The following MAGI2 variants were observed in gnomAD, a reference collection of about 807,000 sequenced individuals.
The protein encoded by MAGI2 is membrane associated guanylate kinase, WW and PDZ domain containing 2, also known as membrane-associated guanylate kinase, WW and PDZ domain-containing protein 2.
In MAGI2, 35 loss-of-function variants were observed where a neutral mutation model predicts 133.3. That is an observed-to-expected ratio of 0.26 (90% CI 0.20 to 0.35). The LOEUF (loss-of-function observed/expected upper bound fraction) is 0.35. Ranked by LOEUF, MAGI2 falls within the 10% of genes least tolerant of loss-of-function variation. The probability of loss-of-function intolerance (pLI) is 1.00; values close to 1 mark genes in which losing one functional copy is unlikely to be tolerated. For missense variants in MAGI2, 1,636 were observed against 1,863.4 expected (o/e 0.88, Z 2.25); for synonymous variants, 729 against 710.6 (o/e 1.03, Z -0.41).
intron 1 of MAGI2, among the ~76,000 whole-genome samples, chr7:79,137,058 T>C (rs1821645473): frequency 6.6e-6 from 1 of 152,070 alleles, no homozygotes; most frequent in African/African-American, 2.4e-5. Context: ...CTTGGCTCAC[T>C]GTAACCTCTG....
chr7:79,309,449 T>G (rs905403563), intron 1 of MAGI2, among the ~76,000 whole-genome samples: 2 of 151,080 alleles, frequency 1.3e-5, no homozygotes, highest in Non-Finnish European at 2.9e-5. Context: ...TTAAAATATG[T>G]AGAGTTATTC....
rs193029764 is a variant in MAGI2, at chr7:78,947,472, G to T, written c.418+59618C>A. ...AAGCTACTTGAAAGTTACAGTGGAT[G>T]ATATAATTTCTGATGAAATGTTAGC... On this transcript the variant is annotated intron_variant, in intron 2 of 21. Coordinates refer to ENST00000354212, the MANE Select transcript of MAGI2 (RefSeq NM_012301.4). Among the ~76,000 whole-genome samples the T allele has an allele frequency of 1.9e-4, 29 of 152,230 alleles. No individual in the cohort carries two copies. The East Asian group carries it at 4.3e-3, about 22-fold the overall frequency.
intron 2 of MAGI2, among the ~76,000 whole-genome samples, chr7:78,951,141 T>G (rs1801841942): frequency 6.6e-6 from 1 of 151,892 alleles, no homozygotes; most frequent in African/African-American, 2.4e-5. Context: ...CTGGCTAATT[T>G]TTTGTATTTT....
intron 2 of MAGI2, among the ~76,000 whole-genome samples, chr7:78,819,896 T>C (rs752272071): frequency 3.4e-4 from 52 of 152,054 alleles, no homozygotes; most frequent in Non-Finnish European, 6.0e-4. Context: ...ATTAAATAGC[T>C]ATTGACATGA....
At chr7:78,518,633 A>G (rs1447918452) in intron 4 of MAGI2, 1 of 152,214 alleles carries the variant, frequency 6.6e-6, no homozygotes. Context: ...CTCATTGATT[A>G]TAATATTTAT....
chr7:78,085,321 GA>G (rs1410651278), intron 20 of MAGI2, among the ~76,000 whole-genome samples: 4 of 152,140 alleles, frequency 2.6e-5, no homozygotes, highest in African/African-American at 9.6e-5. Context: ...TTGAGTCCAG[GA>G]ATTCAAGACT....
At chr7:78,971,400 G>A (rs1213868046) in intron 2 of MAGI2, among the ~76,000 whole-genome samples, 1 of 151,864 alleles carries the variant, frequency 6.6e-6, no homozygotes, top group African/African-American at 2.4e-5. Flanking sequence ...AATAATTCAA[G>A]TACTAAAATA....
At chr7:79,000,293 A>G (rs1304724185) in intron 2 of MAGI2, 1 of 152,086 alleles carries the variant, frequency 6.6e-6, no homozygotes, top group African/African-American at 2.4e-5. Context: ...GGTTGATGTC[A>G]CTCTCCCTTC....
At chr7:78,033,181 T>C (rs1369571539) in intron 21 of MAGI2, among the ~76,000 whole-genome samples, 1 of 152,088 alleles carries the variant, frequency 6.6e-6, no homozygotes, top group African/African-American at 2.4e-5. Flanking sequence ...TTTTTGAAGA[T>C]AGACTAGAGT....
intron 1 of MAGI2, among the ~76,000 whole-genome samples, chr7:79,437,363 T>G (rs1036227534): frequency 6.6e-6 from 1 of 152,148 alleles, no homozygotes; most frequent in East Asian, 1.9e-4. Flanking sequence ...TAAAAGAAGA[T>G]ATTTTTCTTT....
chr7:79,003,671 C>G (rs1438920900), intron 2 of MAGI2, among the ~76,000 whole-genome samples: 1 of 152,172 alleles, frequency 6.6e-6, no homozygotes, highest in African/African-American at 2.4e-5. Flanking sequence ...TTTTTCACAT[C>G]ATGGACACAC....
At chr7:78,365,601 G>A (rs1299262854) in intron 7 of MAGI2, among the ~76,000 whole-genome samples, 1 of 152,148 alleles carries the variant, frequency 6.6e-6, no homozygotes, top group Non-Finnish European at 1.5e-5. Flanking sequence ...AAACTGTTAA[G>A]CACTGAGCCC....
At chr7:78,067,846 G>A (rs1814003362) in intron 21 of MAGI2, among the ~76,000 whole-genome samples, 1 of 152,168 alleles carries the variant, frequency 6.6e-6, no homozygotes, top group African/African-American at 2.4e-5. Flanking sequence ...TAGGCAGTTT[G>A]TGAATAACAA....
At chr7:79,213,667 G>A (rs527638811) in intron 1 of MAGI2, among the ~76,000 whole-genome samples, 1 of 152,170 alleles carries the variant, frequency 6.6e-6, no homozygotes, top group African/African-American at 2.4e-5. Context: ...TGTAAAAAAT[G>A]TGTATATTGA....
At chr7:79,436,224 C>CA (rs34732039) in intron 1 of MAGI2, among the ~76,000 whole-genome samples, 36,070 of 92,134 alleles carry the variant, frequency 0.39, 5,850 homozygotes, top group African/African-American at 0.52. Flanking sequence ...GACTTCACCT[C>CA]AAAAAAAAAA....
intron 1 of MAGI2, among the ~76,000 whole-genome samples, chr7:79,431,738 C>G (rs1847791389): frequency 6.6e-6 from 1 of 152,078 alleles, no homozygotes; most frequent in African/African-American, 2.4e-5. Flanking sequence ...GAAACTGAAC[C>G]AGGAATATGA....
rs35069216 is a variant in MAGI2, at chr7:78,564,783, C to CTTTTTTTTTTTTTTTTTT, written c.539-43156_539-43139dup. On this transcript the variant is annotated intron_variant, in intron 3 of 21. Transcript: ENST00000354212. ...TACTTCATCTCATCTCTTTGACATT[C>CTTTTTTTTTTTTTTTTTT]TTTTTTTTTTTTTTTTTTTTTTTTT... Among the ~76,000 whole-genome samples, 3 of 64,318 alleles carry CTTTTTTTTTTTTTTTTTT rather than the reference C, an allele frequency of 4.7e-5. 1 individual carries two copies. Among genetic ancestry groups the CTTTTTTTTTTTTTTTTTT allele is most frequent in the Non-Finnish European group, 2.8e-5 (1 of 36,136 alleles). The allele number at this position is 64,318 out of a possible 152,430, so 42.2% of individuals were successfully genotyped here.
At chr7:79,266,321 C>G (rs1478532444) in intron 1 of MAGI2, among the ~76,000 whole-genome samples, 1 of 144,116 alleles carries the variant, frequency 6.9e-6, no homozygotes, top group African/African-American at 2.6e-5. Flanking sequence ...TGACTTTTTG[C>G]TCATCTCACA....
chr7:78,405,613 A>T (rs1208945871), intron 6 of MAGI2, among the ~76,000 whole-genome samples: 4 of 152,228 alleles, frequency 2.6e-5, no homozygotes, highest in Admixed American at 2.6e-4. Context: ...AACATTACCT[A>T]TTAGAGTTTA....
Sources: allele counts gnomAD v4.1 joint callset (sites outside exome capture counted in the v4.1 genomes callset), GRCh38; gene constraint gnomAD v4.1.1; transcripts MANE v1.5; gene names NCBI Gene and HGNC (gene_info 2026-07-23, HGNC 2026-07-21).